The following CDKAL1 variants were observed in gnomAD, a reference collection of about 807,000 sequenced individuals.
CDKAL1 encodes the protein CDKAL1 threonylcarbamoyladenosine tRNA methylthiotransferase.
In CDKAL1, 32 loss-of-function variants were observed where a neutral mutation model predicts 68.2. The ratio of observed to expected loss-of-function variants is 0.47; its 90% CI spans 0.35 to 0.63. CDKAL1 has a LOEUF of 0.63. Among genes scored for constraint, CDKAL1 ranks in the 30% least tolerant of loss-of-function variants. CDKAL1 has a pLI of 0.00. For missense variants in CDKAL1, 606 were observed against 696.7 expected (o/e 0.87, Z 1.47); for synonymous variants, 234 against 244.3 (o/e 0.96, Z 0.39).
intron 2 of CDKAL1, among the ~76,000 whole-genome samples, chr6:20,538,091 G>C (rs1443736660): frequency 1.3e-5 from 2 of 152,176 alleles, no homozygotes; most frequent in Admixed American, 6.5e-5. Context: ...TAATTGTCAG[G>C]TTGCCCTCCA....
At chr6:20,568,691 C>T (rs1259905807) in intron 4 of CDKAL1, among the ~76,000 whole-genome samples, 2 of 148,348 alleles carry the variant, frequency 1.3e-5, no homozygotes, top group Non-Finnish European at 3.0e-5. Context: ...GCCGAGATCG[C>T]GCCACTGCAC....
chr6:20,762,120 G>A (rs1774496233), intron 7 of CDKAL1, among the ~76,000 whole-genome samples: 1 of 152,188 alleles, frequency 6.6e-6, no homozygotes, highest in African/African-American at 2.4e-5. Context: ...GTAATTAACA[G>A]TGTGCTTAGG....
chr6:21,226,473 T>C (rs771738536), intron 15 of CDKAL1, among the ~76,000 whole-genome samples: 7 of 152,232 alleles, frequency 4.6e-5, no homozygotes, highest in Non-Finnish European at 8.8e-5. Flanking sequence ...CAAACCCATG[T>C]TAATCAAAGT....
chr6:20,619,414 TA>T (rs1470972084), intron 4 of CDKAL1, among the ~76,000 whole-genome samples: 1 of 152,214 alleles, frequency 6.6e-6, no homozygotes, highest in Admixed American at 6.5e-5. Flanking sequence ...AGGTAATGCA[TA>T]CATCAATTAA....
At chr6:20,618,528 A>G (rs1767031033) in intron 4 of CDKAL1, among the ~76,000 whole-genome samples, 1 of 152,126 alleles carries the variant, frequency 6.6e-6, no homozygotes. Flanking sequence ...TCTATTTTTG[A>G]AAGTGTGCAT....
At chr6:21,169,978 G>A (rs1419534322) in intron 13 of CDKAL1, among the ~76,000 whole-genome samples, 1 of 140,722 alleles carries the variant, frequency 7.1e-6, no homozygotes, top group Non-Finnish European at 1.5e-5. Context: ...CAACATATGG[G>A]AATTATGGGA....
intron 15 of CDKAL1, among the ~76,000 whole-genome samples, chr6:21,202,097 A>C (rs1778713923): frequency 6.6e-6 from 1 of 152,230 alleles, no homozygotes; most frequent in South Asian, 2.1e-4. Flanking sequence ...GTTCGTTAAA[A>C]TAAAGGGAAT....
chr6:20,969,059 C>G (rs1363474747), intron 10 of CDKAL1, among the ~76,000 whole-genome samples: 1 of 152,122 alleles, frequency 6.6e-6, no homozygotes, highest in African/African-American at 2.4e-5. Flanking sequence ...AAATCGGATT[C>G]TTCTCACTCC....
At chr6:20,643,700 C>G (rs1424333173) in intron 4 of CDKAL1, among the ~76,000 whole-genome samples, 2 of 152,166 alleles carry the variant, frequency 1.3e-5, no homozygotes, top group Non-Finnish European at 2.9e-5. Context: ...TGGCTCAGAG[C>G]TAGCAAATAC....
At chr6:21,092,107 C>T (rs1229680811) in intron 12 of CDKAL1, among the ~76,000 whole-genome samples, 20 of 150,162 alleles carry the variant, frequency 1.3e-4, no homozygotes, top group African/African-American at 4.7e-4. Context: ...AGGATGGTCT[C>T]GATCTCCTGA....
intron 10 of CDKAL1, among the ~76,000 whole-genome samples, chr6:20,975,370 G>A (rs751012266): frequency 6.6e-6 from 1 of 152,146 alleles, no homozygotes; most frequent in Non-Finnish European, 1.5e-5. Flanking sequence ...GTATTTAGTA[G>A]TCCCTTTTTT....
intron 9 of CDKAL1, among the ~76,000 whole-genome samples, chr6:20,938,914 A>C (rs1258200577): frequency 6.6e-6 from 1 of 152,166 alleles, no homozygotes; most frequent in African/African-American, 2.4e-5. Flanking sequence ...AGCAAATCTG[A>C]GAACTGCACC....
chr6:20,613,819 T>C (rs1227718386), intron 4 of CDKAL1, among the ~76,000 whole-genome samples: 1 of 152,122 alleles, frequency 6.6e-6, no homozygotes, highest in Non-Finnish European at 1.5e-5. Context: ...ATTTTTAGAC[T>C]ATCTGGAAGT....
chr6:20,988,219 T>TGTGTGTGTGTGTGTGTGTGTG (rs1554153536), intron 10 of CDKAL1, among the ~76,000 whole-genome samples: 2 of 145,218 alleles, frequency 1.4e-5, no homozygotes, highest in Non-Finnish European at 3.1e-5. Flanking sequence ...TGTGTGTGTG[T>TGTGTGTGTGTGTGTGTGTGTG]AGTGAGGGAG....
At chr6:21,178,463 G>A (rs1582365079) in intron 13 of CDKAL1, among the ~76,000 whole-genome samples, 1 of 152,210 alleles carries the variant, frequency 6.6e-6, no homozygotes, top group East Asian at 1.9e-4. Context: ...ATAGTGAAGA[G>A]GAAGCCATGT....
chr6:20,854,077 C>T (rs1329485405), intron 9 of CDKAL1, among the ~76,000 whole-genome samples: 7 of 152,150 alleles, frequency 4.6e-5, no homozygotes, highest in African/African-American at 9.7e-5. Context: ...ATAGGAATTA[C>T]GATGAAAACC....
At chr6:21,027,216 T>C (rs975077070) in intron 11 of CDKAL1, among the ~76,000 whole-genome samples, 1 of 152,156 alleles carries the variant, frequency 6.6e-6, no homozygotes, top group Non-Finnish European at 1.5e-5. Flanking sequence ...TCTATTTTCC[T>C]TTTCAGTACA....
intron 8 of CDKAL1, among the ~76,000 whole-genome samples, chr6:20,803,473 T>G (rs1169367766): frequency 2.6e-5 from 4 of 152,226 alleles, no homozygotes; most frequent in Non-Finnish European, 4.4e-5. Context: ...TAATCACGTT[T>G]GTACAATTTT....
intron 13 of CDKAL1, among the ~76,000 whole-genome samples, chr6:21,150,314 A>C (rs1374155018): frequency 6.6e-6 from 1 of 152,158 alleles, no homozygotes; most frequent in Non-Finnish European, 1.5e-5. Flanking sequence ...TTTTCACAGA[A>C]ATACCCAGGT....
Sources: gnomAD v4.1 joint callset for allele counts (sites outside exome capture counted in the v4.1 genomes callset) on GRCh38, gnomAD v4.1.1 for gene constraint, MANE v1.5 for transcripts, NCBI Gene and HGNC (gene_info 2026-07-23, HGNC 2026-07-21) for gene names.